Variants in CDH4 observed in about 807,000 individuals in gnomAD.
The protein encoded by CDH4 is cadherin-4.
In CDH4, 33 loss-of-function variants were observed where a neutral mutation model predicts 86.0. The ratio of observed to expected loss-of-function variants is 0.38; its 90% CI spans 0.29 to 0.51. The LOEUF (loss-of-function observed/expected upper bound fraction) is 0.51, where lower values mean the gene tolerates loss of function less well. Among genes scored for constraint, CDH4 ranks in the 20% least tolerant of loss-of-function variants. CDH4 has a pLI of 0.86. For synonymous variants in CDH4, 555 were observed against 549.4 expected (o/e 1.01, Z -0.14); for missense variants, 1,114 against 1,307.4 (o/e 0.85, Z 2.28).
At position 61,355,221 on chromosome 20, in the gene CDH4, A is replaced by G. The variant is rs1276264382; in HGVS notation, c.169+100284A>G. On this transcript the variant is annotated intron_variant, in intron 2 of 15. Transcript: ENST00000614565. ...GCCCTGGAGAATTGAAGTCCTTGAA[A>G]AAAGCTCTGAGTCAAGGGGGTGACC... Among the ~76,000 whole-genome samples the G allele has an allele frequency of 2.6e-5, 4 of 152,352 alleles. No homozygotes were observed. The East Asian group carries it at 7.7e-4, about 29-fold the overall frequency.
intron 2 of CDH4, among the ~76,000 whole-genome samples, chr20:61,457,623 G>T (rs545551218): frequency 1.3e-5 from 2 of 152,242 alleles, no homozygotes; most frequent in African/African-American, 4.8e-5. Flanking sequence ...GACAGTGCTG[G>T]CACTGGTGGT....
intron 3 of CDH4, among the ~76,000 whole-genome samples, chr20:61,762,401 T>C (rs1600959903): frequency 2.0e-5 from 3 of 152,238 alleles, no homozygotes; most frequent in African/African-American, 4.8e-5. Context: ...CAATACCCAC[T>C]GTTCACCCAC....
chr20:61,734,201 G>A (rs369290970), intron 2 of CDH4, among the ~76,000 whole-genome samples: 10 of 152,370 alleles, frequency 6.6e-5, no homozygotes, highest in African/African-American at 2.4e-4. Context: ...TGGGGGCTGG[G>A]GGGAGATGTG....
chr20:61,788,597 C>G (rs1568816500), intron 4 of CDH4, among the ~76,000 whole-genome samples: 1 of 152,198 alleles, frequency 6.6e-6, no homozygotes, highest in Non-Finnish European at 1.5e-5. Context: ...GGGCTCCCAG[C>G]CCGGCAGTGT....
In CDH4 at chr20:61,417,783, G is replaced by A. The variant is rs1031633027; in HGVS notation, c.169+162846G>A. 2.0e-5 allele frequency among the ~76,000 whole-genome samples: 3 copies of A among 152,114 alleles called. No individual in the cohort carries two copies. Among genetic ancestry groups the A allele is most frequent in the East Asian group, 1.9e-4 (1 of 5,160 alleles). On this transcript the variant is annotated intron_variant, in intron 2 of 15. Transcript: ENST00000614565. The surrounding 1 kb of genome is among the most constrained non-coding windows in gnomAD (Gnocchi z 4.0). ...CCTGACAAGGTCCTCGAGGCCAGGC[G>A]AGGTCTCAGGAAGTCTGAGTTTGGA...
At chr20:61,672,005 A>G (rs1414375836) in intron 2 of CDH4, among the ~76,000 whole-genome samples, 1 of 139,088 alleles carries the variant, frequency 7.2e-6, no homozygotes, top group Non-Finnish European at 1.5e-5. Flanking sequence ...GGGTGGTTGG[A>G]TGTATGGATG....
chr20:61,514,721 C>T (rs1038372946), intron 2 of CDH4, among the ~76,000 whole-genome samples: 2 of 152,188 alleles, frequency 1.3e-5, no homozygotes, highest in Non-Finnish European at 2.9e-5. Context: ...TGGACATGAC[C>T]CTTGGCAATG....
At chr20:61,624,527 G>T (rs988743567) in intron 2 of CDH4, among the ~76,000 whole-genome samples, 24 of 152,204 alleles carry the variant, frequency 1.6e-4, no homozygotes, top group Admixed American at 8.5e-4. Flanking sequence ...TGTCTGAAGG[G>T]TTGTGTCCAC....
At chr20:61,689,587 G>A (rs1414627636) in intron 2 of CDH4, among the ~76,000 whole-genome samples, 1 of 83,762 alleles carries the variant, frequency 1.2e-5, no homozygotes, top group African/African-American at 4.8e-5. Flanking sequence ...GGATTCCGGC[G>A]GGGACAGTGG....
intron 2 of CDH4, chr20:61,570,308 T>G (rs1443993042): frequency 4.4e-6 from 1 of 228,468 alleles, no homozygotes; most frequent in East Asian, 8.9e-5. Context: ...AATCTTCAGG[T>G]GCCAGAATTA....
At chr20:61,918,021 G>A (rs945750459) in intron 9 of CDH4, among the ~76,000 whole-genome samples, 10 of 152,254 alleles carry the variant, frequency 6.6e-5, no homozygotes, top group East Asian at 5.8e-4. Context: ...CTACCACGAC[G>A]TGATGAAACA....
chr20:61,268,386 C>A (rs2084167868), intron 2 of CDH4, among the ~76,000 whole-genome samples: 1 of 152,266 alleles, frequency 6.6e-6, no homozygotes, highest in Non-Finnish European at 1.5e-5. Flanking sequence ...GGGACCTGCA[C>A]ACGGGGAGGC....
chr20:61,300,980 T>G (rs113139914), intron 2 of CDH4, among the ~76,000 whole-genome samples: 4,099 of 152,166 alleles, frequency 0.027, 139 homozygotes, highest in East Asian at 0.13. Context: ...TCCCACCTCC[T>G]CACATGAGCT....
intron 8 of CDH4, among the ~76,000 whole-genome samples, chr20:61,899,349 T>TA (rs547725145): frequency 3.3e-5 from 5 of 152,286 alleles, no homozygotes; most frequent in African/African-American, 1.2e-4. Flanking sequence ...GCATACATGA[T>TA]AAGACATATT....
At chr20:61,601,342 C>G (rs1305867484) in intron 2 of CDH4, among the ~76,000 whole-genome samples, 1 of 152,180 alleles carries the variant, frequency 6.6e-6, no homozygotes, top group Non-Finnish European at 1.5e-5. Flanking sequence ...GCCCCACCTC[C>G]AACACTGGGG....
rs1984204825 is a variant in CDH4, at chr20:61,879,870, G to T, written c.1050+5970G>T. 6.6e-6 allele frequency among the ~76,000 whole-genome samples: 1 copy of T among 152,062 alleles called. No homozygotes were observed. The highest frequency in any genetic ancestry group is 2.4e-5 in the African/African-American group (1 of 41,400). Reference sequence around the variant, plus strand: ...GATTTTGTTATTAGAAACTGAATCCGGCCTTCCGGTCCTATCACAAGAGGA... The same window carrying T: ...GATTTTGTTATTAGAAACTGAATCCTGCCTTCCGGTCCTATCACAAGAGGA... On this transcript the variant is annotated intron_variant, in intron 7 of 15. Transcript: ENST00000614565. The surrounding 1 kb of genome is among the most constrained non-coding windows in gnomAD (Gnocchi z 4.1).
chr20:61,253,911 A>T lies in CDH4; in HGVS notation c.58-915A>T, dbSNP rs186980972. ...CCGAGGCTTCCTGCGCTCGCCGGGG[A>T]GCCAAGCACCGCTGTGCTCCTGCTC... On this transcript the variant is annotated intron_variant, in intron 1 of 15. Coordinates refer to ENST00000614565, the MANE Select transcript of CDH4 (RefSeq NM_001794.5). Among the ~76,000 whole-genome samples the T allele has an allele frequency of 1.6e-4, 25 of 152,188 alleles. No homozygotes were observed. In the East Asian group the frequency reaches 4.5e-3, roughly 27 times the overall value.
intron 9 of CDH4, among the ~76,000 whole-genome samples, chr20:61,917,647 C>T (rs2054918811): frequency 6.6e-6 from 1 of 152,078 alleles, no homozygotes; most frequent in Non-Finnish European, 1.5e-5. Context: ...CCACCTGGTC[C>T]TGCCCACTCC....
chr20:61,450,655 C>CGAGAAGG (rs2085374433), intron 2 of CDH4, among the ~76,000 whole-genome samples: 1 of 151,846 alleles, frequency 6.6e-6, no homozygotes, highest in Non-Finnish European at 1.5e-5. Flanking sequence ...TGTCCCAAAC[C>CGAGAAGG]GAGAAGGTGT....
Sources: gnomAD v4.1 joint callset for allele counts (sites outside exome capture counted in the v4.1 genomes callset) on GRCh38, gnomAD v4.1.1 for gene constraint, Gnocchi (gnomAD v3.1) non-coding constraint, MANE v1.5 for transcripts, NCBI Gene and HGNC (gene_info 2026-07-23, HGNC 2026-07-21) for gene names.